Variants in CERT1 observed in about 807,000 individuals in gnomAD.
CERT1 encodes the protein ceramide transporter 1.
A neutral mutation model predicts 87.9 loss-of-function variants in CERT1; 31 were observed. The ratio of observed to expected loss-of-function variants is 0.35; its 90% CI spans 0.27 to 0.48. CERT1 has a LOEUF of 0.48. Ranked by LOEUF, CERT1 falls within the 20% of genes least tolerant of loss-of-function variation. The pLI is 0.99. For missense variants in CERT1, 487 were observed against 758.0 expected (o/e 0.64, Z 4.20); for synonymous variants, 289 against 250.9 (o/e 1.15, Z -1.44).
intron 8 of CERT1, among the ~76,000 whole-genome samples, chr5:75,403,431 CAT>C (rs1348049236): frequency 1.3e-5 from 2 of 152,196 alleles, no homozygotes; most frequent in Non-Finnish European, 2.9e-5. Context: ...AATAATATGA[CAT>C]GTGTGAATTA....
downstream of CERT1, chr5:75,375,626 T>TA (rs1189498278): frequency 3.0e-5 from 4 of 135,508 alleles, no homozygotes; most frequent in South Asian, 2.3e-4. Flanking sequence ...AATAAATAAA[T>TA]AAATAAAATA....
At chr5:75,450,753 A>G (rs985312172) in intron 3 of CERT1, among the ~76,000 whole-genome samples, 1 of 152,202 alleles carries the variant, frequency 6.6e-6, no homozygotes, top group African/African-American at 2.4e-5. Context: ...CAAACTGCCA[A>G]TCAGAAAATA....
chr5:75,491,847 T>C (rs1297266058), intron 2 of CERT1, among the ~76,000 whole-genome samples: 1 of 152,196 alleles, frequency 6.6e-6, no homozygotes, highest in Non-Finnish European at 1.5e-5. Flanking sequence ...TACCACTGTC[T>C]TCAGCTACTC....
At chr5:75,438,459 G>A (rs1444777512) in intron 3 of CERT1, among the ~76,000 whole-genome samples, 2 of 152,160 alleles carry the variant, frequency 1.3e-5, no homozygotes, top group African/African-American at 2.4e-5. Context: ...CTGATACAGT[G>A]TTAAATGTTC....
intron 2 of CERT1, among the ~76,000 whole-genome samples, chr5:75,492,427 G>A (rs1766843016): frequency 6.6e-6 from 1 of 152,130 alleles, no homozygotes; most frequent in African/African-American, 2.4e-5. Context: ...GAGATCTAAA[G>A]TGGTTCATTG....
At chr5:75,411,126 C>T in intron 7 of CERT1, 23 bp from the exon 8 acceptor site, 1 of 1,350,684 alleles carries the variant, frequency 7.4e-7, no homozygotes, top group South Asian at 1.3e-5. Context: ...AGTGAAAAAT[C>T]TGTAATTTGA....
rs1382688952 is a variant in CERT1 at position 75,511,044 on chromosome 5, C to T, written c.96+68G>A. 2.1e-6 allele frequency: 3 copies of T among 1,456,500 alleles called. No individual in the cohort carries two copies. The African/African-American group carries it at 4.3e-5, about 21-fold the overall frequency. 90.2% of individuals were successfully genotyped at this position (1,456,500 alleles called of 1,614,324 possible). On this transcript the variant is annotated intron_variant, in intron 1 of 16. Transcript: ENST00000643780. ...GCGCCTCCCGCCAGCCCCACCCCAC[C>T]GCCTCAGCGGATTGCCTCGCTGCAG... is the stretch of plus-strand genomic sequence containing the variant.
At chr5:75,505,927 G>GT in intron 2 of CERT1, 55 bp downstream of exon 2, 1 of 1,392,538 alleles carries the variant, frequency 7.2e-7, no homozygotes, top group Non-Finnish European at 1.0e-6. Context: ...ACAGTTCCTG[G>GT]TATGTAGCTG....
chr5:75,464,946 A>G (rs1765398792), intron 2 of CERT1, among the ~76,000 whole-genome samples: 1 of 152,038 alleles, frequency 6.6e-6, no homozygotes, highest in African/African-American at 2.4e-5. Flanking sequence ...TCTCCTTACT[A>G]TCTAGGTTCT....
Position 75,379,485 on chromosome 5 carries a change from A to G in CERT1, c.1748-12T>C. 1 of 1,603,046 alleles carries G rather than the reference A, an allele frequency of 6.2e-7. No homozygotes were observed. Among genetic ancestry groups the G allele is most frequent in the Non-Finnish European group, 8.5e-7 (1 of 1,176,458 alleles). On this transcript the variant is annotated splice_polypyrimidine_tract_variant and intron_variant, in intron 16 of 16. Coordinates refer to ENST00000643780, the MANE Select transcript of CERT1 (RefSeq NM_001379029.1). ...TCCTCCAGGGTTCACTGCAAGATAA[A>G]GGAAAATTAAAATGTATTAAGATAC...
chr5:75,385,860 T>C, intron 13 of CERT1, 42 bp downstream of exon 13: 2 of 1,346,620 alleles, frequency 1.5e-6, no homozygotes, highest in Non-Finnish European at 1.9e-6. Context: ...TGATATTAAA[T>C]TCAAAATAAT....
At chr5:75,447,637 A>C (rs1301677239) in intron 3 of CERT1, among the ~76,000 whole-genome samples, 1 of 151,362 alleles carries the variant, frequency 6.6e-6, no homozygotes, top group Non-Finnish European at 1.5e-5. Flanking sequence ...CGCCCAGCTA[A>C]TCTTTTTTTT....
At chr5:75,508,477 G>GT (rs1359133068) in intron 1 of CERT1, among the ~76,000 whole-genome samples, 2 of 152,226 alleles carry the variant, frequency 1.3e-5, no homozygotes, top group East Asian at 1.9e-4. Context: ...TGAACAAACT[G>GT]TATCAGCTTC....
intron 12 of CERT1, among the ~76,000 whole-genome samples, chr5:75,386,445 T>A (rs1027215832): frequency 3.9e-5 from 6 of 152,222 alleles, no homozygotes; most frequent in Non-Finnish European, 2.9e-5. Flanking sequence ...GAATAGTATA[T>A]GAAACACAAT....
intron 3 of CERT1, among the ~76,000 whole-genome samples, chr5:75,430,989 T>TC (rs1763839442): frequency 6.7e-6 from 1 of 149,970 alleles, no homozygotes; most frequent in East Asian, 2.1e-4. Flanking sequence ...AGCACTGAGC[T>TC]AGGATTGTGC....
At chr5:75,428,188 T>C (rs1021874042) in intron 3 of CERT1, among the ~76,000 whole-genome samples, 1 of 152,174 alleles carries the variant, frequency 6.6e-6, no homozygotes, top group African/African-American at 2.4e-5. Flanking sequence ...AAGTTTTATG[T>C]TTATTTTTAT....
intron 2 of CERT1, among the ~76,000 whole-genome samples, chr5:75,462,967 G>A (rs766225971): frequency 5.6e-5 from 8 of 143,424 alleles, no homozygotes; most frequent in African/African-American, 1.1e-4. Flanking sequence ...ACTCCAGCCC[G>A]GCGACAGAGC....
At chr5:75,422,259 C>G (rs556154947) in intron 5 of CERT1, among the ~76,000 whole-genome samples, 2 of 152,066 alleles carry the variant, frequency 1.3e-5, no homozygotes, top group Non-Finnish European at 2.9e-5. Flanking sequence ...GCCACCAGCA[C>G]ATTAAATCTT....
rs1226408031 is a variant in CERT1, at chr5:75,399,366, T to C, written c.1132A>G (p.Met378Val). Residue 378 changes from methionine (M) to valine (V), a missense_variant, in exon 11 of 17, where the codon ATG becomes GTG. Physicochemically the swap from Met to Val is conservative, Grantham distance 21. Transcript: ENST00000643780. ...GCACTGACTAGATCAATGGAAGACA[T>C]GGAGGAAGAGCGACTATAGGGCTAC... ...VQKPYSRSSS[M>V]SSIDLVSASD... The C allele has an allele frequency of 1.9e-6, 3 of 1,613,244 alleles. No individual in the cohort carries two copies. Among genetic ancestry groups the C allele is most frequent in the Non-Finnish European group, 2.5e-6 (3 of 1,179,596 alleles).
Sources: gnomAD v4.1 joint callset for allele counts (sites outside exome capture counted in the v4.1 genomes callset) on GRCh38, gnomAD v4.1.1 for gene constraint, MANE v1.5 for transcripts, NCBI Gene and HGNC (gene_info 2026-07-23, HGNC 2026-07-21) for gene names.